GSPT1: variants seen among roughly 807,000 people sequenced by gnomAD.
The protein encoded by GSPT1 is eukaryotic peptide chain release factor GTP-binding subunit ERF3A.
Under a neutral mutation model 72.5 loss-of-function variants are expected in GSPT1, and 20 were observed. That is an observed-to-expected ratio of 0.28 (90% CI 0.19 to 0.40). The LOEUF (loss-of-function observed/expected upper bound fraction) is 0.40, where lower values mean the gene tolerates loss of function less well. Ranked by LOEUF, GSPT1 falls within the 10% of genes least tolerant of loss-of-function variation. GSPT1 has a pLI of 1.00. For missense variants in GSPT1, 580 were observed against 811.9 expected (o/e 0.71, Z 3.47); for synonymous variants, 334 against 293.5 (o/e 1.14, Z -1.41).
At chr16:11,901,432 T>G (rs1388816195) in intron 1 of GSPT1, among the ~76,000 whole-genome samples, 1 of 152,150 alleles carries the variant, frequency 6.6e-6, no homozygotes, top group African/African-American at 2.4e-5. Context: ...AGTTTCAAAT[T>G]TTCCAGTGTT....
At chr16:11,884,282 T>G (rs1183645682) in intron 10 of GSPT1, among the ~76,000 whole-genome samples, 2 of 152,214 alleles carry the variant, frequency 1.3e-5, no homozygotes, top group Non-Finnish European at 2.9e-5. Flanking sequence ...TTTACCAATA[T>G]GCATCAACTT....
At chr16:11,916,068 G>A, upstream of GSPT1, 1 of 559,838 alleles carries the variant, frequency 1.8e-6, no homozygotes, top group Non-Finnish European at 3.4e-6. Flanking sequence ...CTCTGTTCTG[G>A]CCGCCCCCGT....
chr16:11,894,044 T>G (rs1383342218), intron 5 of GSPT1, among the ~76,000 whole-genome samples: 1 of 151,300 alleles, frequency 6.6e-6, no homozygotes, highest in Non-Finnish European at 1.5e-5. Context: ...TGATCCCACC[T>G]GCTTGGGAGG....
Position 11,887,639 on chromosome 16 carries a change from A to G in GSPT1, c.888T>C (p.Asp296=). ...ETEKKHFTIL[D]APGHKSFVPN... The stretch of plus-strand genomic sequence containing the variant: ...GGACAAAACTCTTGTGGCCAGGGGC[A>G]TCTAGAATTGTGAAATGCTTCTTTT... Residue 296 remains aspartate (D), a synonymous_variant, in exon 7 of 15, where the codon GAT becomes GAC. Transcript: ENST00000434724. The G allele has an allele frequency of 1.2e-6, 2 of 1,613,902 alleles. No individual in the cohort carries two copies. Among genetic ancestry groups the G allele is most frequent in the African/African-American group, 2.7e-5 (2 of 75,052 alleles).
chr16:11,916,255 G>A (rs945346951), upstream of GSPT1, among the ~76,000 whole-genome samples: 2 of 152,160 alleles, frequency 1.3e-5, no homozygotes, highest in Admixed American at 6.5e-5. Flanking sequence ...TGGCCGCTCG[G>A]CGGCCCCACC....
intron 9 of GSPT1, among the ~76,000 whole-genome samples, 178 bp from the exon 10 acceptor site, chr16:11,885,452 T>C (rs887566334): frequency 1.5e-4 from 23 of 152,332 alleles, no homozygotes; most frequent in African/African-American, 5.5e-4. Context: ...ATAAAACTGC[T>C]CAGTATAAGG....
chr16:11,913,321 G>A (rs2054584071), intron 1 of GSPT1, among the ~76,000 whole-genome samples: 1 of 152,186 alleles, frequency 6.6e-6, no homozygotes, highest in Non-Finnish European at 1.5e-5. Context: ...TGGCATTTTG[G>A]TACAAGCAAT....
intron 11 of GSPT1, among the ~76,000 whole-genome samples, chr16:11,879,712 C>A (rs2054096430): frequency 7.0e-6 from 1 of 142,272 alleles, no homozygotes; most frequent in Non-Finnish European, 1.5e-5. Flanking sequence ...GCACTCCAGC[C>A]TGGGCTACAG....
chr16:11,892,531 A>AAAAAC (rs1567443313), intron 5 of GSPT1, among the ~76,000 whole-genome samples: 9 of 139,938 alleles, frequency 6.4e-5, no homozygotes, highest in East Asian at 4.7e-4. Flanking sequence ...AACAAAAAAA[A>AAAAAC]CAAAAAATAA....
At chr16:11,873,921 G>T (rs754075671) in intron 14 of GSPT1, among the ~76,000 whole-genome samples, 4 of 152,136 alleles carry the variant, frequency 2.6e-5, no homozygotes, top group African/African-American at 7.2e-5. Flanking sequence ...ATAAGAAAAG[G>T]GAATATCCGT....
chr16:11,911,536 C>T (rs2054556241), intron 1 of GSPT1, among the ~76,000 whole-genome samples: 3 of 145,008 alleles, frequency 2.1e-5, no homozygotes, highest in South Asian at 4.4e-4. Context: ...CAGGTTTGTG[C>T]CACCACACCC....
intron 1 of GSPT1, among the ~76,000 whole-genome samples, chr16:11,911,334 T>C (rs988352931): frequency 6.6e-6 from 1 of 152,184 alleles, no homozygotes; most frequent in African/African-American, 2.4e-5. Context: ...ATCTGCCAAG[T>C]GGTGATGGTT....
At chr16:11,885,815 T>A (rs2141285600) in intron 9 of GSPT1, among the ~76,000 whole-genome samples, 1 of 152,076 alleles carries the variant, frequency 6.6e-6, no homozygotes, top group Non-Finnish European at 1.5e-5. Context: ...TCTCTTGAGC[T>A]GGGAGGCAGA....
rs983907315 is a variant in GSPT1 at position 11,888,478 on chromosome 16, A to G, written c.777-728T>C. ...CTCTGTCTCTCAAAAAAAAAAAAAA[A>G]GGGCTAGGTGCAGTGGCTCATGCTT... On this transcript the variant is annotated intron_variant, in intron 6 of 14. Transcript: ENST00000434724. Among the ~76,000 whole-genome samples, 253 of 149,658 alleles carry G rather than the reference A, an allele frequency of 1.7e-3. 1 individual carries two copies. Among genetic ancestry groups the G allele is most frequent in the African/African-American group, 5.7e-3 (234 of 40,844 alleles).
chr16:11,915,035 A>G (rs2054613007), intron 1 of GSPT1: 2 of 1,290,588 alleles, frequency 1.5e-6, no homozygotes, highest in Non-Finnish European at 2.0e-6. Flanking sequence ...GCCTCGTGGC[A>G]GGGATCCGCC....
intron 10 of GSPT1, among the ~76,000 whole-genome samples, chr16:11,883,474 T>C (rs1452846314): frequency 5.4e-5 from 1 of 18,374 alleles, no homozygotes; most frequent in Non-Finnish European, 1.3e-4. Flanking sequence ...AAAAAAAAAA[T>C]TGCCAGGCAC....
At chr16:11,873,581 G>C (rs964862945) in intron 14 of GSPT1, among the ~76,000 whole-genome samples, 1 of 151,978 alleles carries the variant, frequency 6.6e-6, no homozygotes, top group Non-Finnish European at 1.5e-5. Flanking sequence ...AAAGTGCTGG[G>C]ATTACAGGCA....
In GSPT1 at chr16:11,871,077, A is replaced by G. The variant is rs1473519268; in HGVS notation, c.*2042T>C. The G allele has an allele frequency of 6.6e-6, 1 of 152,238 alleles. No individual in the cohort carries two copies. Among genetic ancestry groups the G allele is most frequent in the Non-Finnish European group, 1.5e-5 (1 of 68,044 alleles). The allele number at this position is 152,238 out of a possible 1,614,324, so 9.4% of individuals were successfully genotyped here. ...TGTTTTTATTAACATGGAATTACAA[A>G]AAGAACTATTATGTTTTGATTAAAG... is the stretch of plus-strand genomic sequence containing the variant. On this transcript the variant is annotated 3_prime_UTR_variant, in exon 15 of 15. Transcript: ENST00000434724.
chr16:11,884,613 A>C (rs1443421318), intron 10 of GSPT1, among the ~76,000 whole-genome samples: 1 of 152,082 alleles, frequency 6.6e-6, no homozygotes, highest in Non-Finnish European at 1.5e-5. Context: ...TACAAAAAAC[A>C]ATTAGCTGGA....
Sources: allele counts gnomAD v4.1 joint callset (sites outside exome capture counted in the v4.1 genomes callset), GRCh38; gene constraint gnomAD v4.1.1; transcripts MANE v1.5; gene names NCBI Gene and HGNC (gene_info 2026-07-23, HGNC 2026-07-21).